TRIM4: variants seen among roughly 807,000 people sequenced by gnomAD.
TRIM4 encodes the protein E3 ubiquitin-protein ligase TRIM4.
Under a neutral mutation model 33.7 loss-of-function variants are expected in TRIM4, and 29 were observed. The ratio of observed to expected loss-of-function variants is 0.86; its 90% CI spans 0.64 to 1.17. TRIM4 has a LOEUF of 1.17. Ranked by LOEUF, TRIM4 falls within the 50% of genes most tolerant of loss-of-function variation. The probability of loss-of-function intolerance (pLI) is 0.00; values close to 1 mark genes in which losing one functional copy is unlikely to be tolerated. For synonymous variants in TRIM4, 224 were observed against 233.0 expected, an observed-to-expected ratio of 0.96 and a Z score of 0.35; for missense variants, 554 against 593.7, an observed-to-expected ratio of 0.93 and a Z score of 0.69.
intron 3 of TRIM4, among the ~76,000 whole-genome samples, chr7:99,905,017 C>T (rs910266668): frequency 1.3e-5 from 2 of 149,228 alleles, no homozygotes; most frequent in African/African-American, 5.0e-5. Context: ...GGTTACAAAG[C>T]GAGACGCTGT....
intron 3 of TRIM4, among the ~76,000 whole-genome samples, chr7:99,907,973 A>G (rs1462501072): frequency 1.3e-5 from 2 of 152,366 alleles, no homozygotes; most frequent in Non-Finnish European, 2.9e-5. Context: ...AAAAGAAGCT[A>G]TAAGGACACT....
At chr7:99,905,677 T>C (rs1819285690) in intron 3 of TRIM4, among the ~76,000 whole-genome samples, 1 of 152,026 alleles carries the variant, frequency 6.6e-6, no homozygotes, top group African/African-American at 2.4e-5. Flanking sequence ...ACCAAAAATG[T>C]CTCTATATAA....
chr7:99,908,445 G>T, intron 3 of TRIM4, 137 bp downstream of exon 3: 1 of 710,856 alleles, frequency 1.4e-6, no homozygotes, highest in Non-Finnish European at 2.3e-6. Context: ...TGGCTTTTTA[G>T]TTATGTGACA....
intron 1 of TRIM4, among the ~76,000 whole-genome samples, chr7:99,917,135 G>A (rs573697722): frequency 2.8e-4 from 43 of 152,274 alleles, no homozygotes; most frequent in Middle Eastern, 3.4e-3. Context: ...TGATCACTCC[G>A]ACCTCAGACC....
rs1398831400 is a variant in TRIM4 at position 99,892,600 on chromosome 7, TC to T, written c.987del (p.Lys330ArgfsTer5). 1.2e-6 allele frequency: 2 copies of T among 1,614,092 alleles called. No homozygotes were observed. Among genetic ancestry groups the T allele is most frequent in the Non-Finnish European group, 1.7e-6 (2 of 1,180,038 alleles). ...WNYFAGWRNP[Q>X]KTAFVERFQH... is the part of the protein sequence containing the mutation. ...TGAAATCTCTCTACAAAAGCAGTCT[TC>T]TGAGGATTCCTCCATCCAGCAAAGT... On this transcript the variant is annotated frameshift_variant, in exon 6 of 6. Transcript: ENST00000349062. LOFTEE classifies it low-confidence loss of function (END_TRUNC).
intron 5 of TRIM4, chr7:99,901,285 G>A (rs1181878618): frequency 1.3e-5 from 2 of 152,006 alleles, no homozygotes; most frequent in Admixed American, 1.3e-4. Context: ...TTAAAACTTT[G>A]ATCTGGTCTC....
intron 1 of TRIM4, among the ~76,000 whole-genome samples, chr7:99,915,371 T>C (rs763861941): frequency 1.8e-4 from 27 of 152,280 alleles, no homozygotes; most frequent in Non-Finnish European, 3.1e-4. Flanking sequence ...GAGTCAGGCA[T>C]GAAGGAAAAA....
intron 5 of TRIM4, among the ~76,000 whole-genome samples, chr7:99,900,012 CT>C (rs1420417993): frequency 1.3e-5 from 2 of 152,166 alleles, no homozygotes; most frequent in Non-Finnish European, 2.9e-5. Context: ...CCTCAAACTC[CT>C]GGCCTCAAGC....
At chr7:99,903,529 T>A (rs758909062) in intron 4 of TRIM4, 47 bp downstream of exon 4, 1 of 1,612,894 alleles carries the variant, frequency 6.2e-7, no homozygotes, top group East Asian at 2.2e-5. Context: ...TCAGCCTGTA[T>A]CTTTACCATG....
intron 5 of TRIM4, among the ~76,000 whole-genome samples, chr7:99,899,164 G>C (rs1819096323): frequency 6.6e-6 from 1 of 152,162 alleles, no homozygotes; most frequent in South Asian, 2.1e-4. Flanking sequence ...TCAGAGTTCT[G>C]AGCTAAAGAA....
chr7:99,904,022 A>T (rs1819239053), intron 3 of TRIM4, among the ~76,000 whole-genome samples: 1 of 152,180 alleles, frequency 6.6e-6, no homozygotes, highest in Non-Finnish European at 1.5e-5. Context: ...GTCCAAAGAG[A>T]TTTTCTACAG....
At chr7:99,914,798 CTTTT>C (rs1819517104) in intron 1 of TRIM4, among the ~76,000 whole-genome samples, 2 of 151,708 alleles carry the variant, frequency 1.3e-5, no homozygotes, top group Admixed American at 1.3e-4. Flanking sequence ...AGCACTTTTT[CTTTT>C]TTTCTTTTTT....
chr7:99,901,556 G>A (rs1819168214), intron 5 of TRIM4: 1 of 152,228 alleles, frequency 6.6e-6, no homozygotes, highest in African/African-American at 2.4e-5. Flanking sequence ...GTTGGAAAGA[G>A]TTTGACCCCT....
At chr7:99,903,115 C>CT (rs1334392953) in intron 5 of TRIM4, 103 bp downstream of exon 5, 3 of 840,124 alleles carry the variant, frequency 3.6e-6, no homozygotes, top group Non-Finnish European at 5.7e-6. Flanking sequence ...TCCTGACACT[C>CT]TATTAGCTGC....
chr7:99,891,344 G>C lies in TRIM4; in HGVS notation c.*819C>G, dbSNP rs1818889116. ...TTTCCATCTCACTGAGTTGTGATGAGAGTCATATGCAACAGCATATGAAGA... is the reference window on the plus strand; with the variant it reads ...TTTCCATCTCACTGAGTTGTGATGACAGTCATATGCAACAGCATATGAAGA... On this transcript the variant is annotated 3_prime_UTR_variant, in exon 6 of 6. Coordinates refer to ENST00000349062, the MANE Select transcript of TRIM4 (RefSeq NM_033091.3). The C allele has an allele frequency of 6.6e-6, 1 of 152,230 alleles. No individual in the cohort carries two copies. The allele number at this position is 152,230 out of a possible 1,614,324, so 9.4% of individuals were successfully genotyped here.
intron 1 of TRIM4, among the ~76,000 whole-genome samples, chr7:99,915,090 G>A (rs1462289140): frequency 2.0e-5 from 3 of 152,196 alleles, no homozygotes; most frequent in Non-Finnish European, 2.9e-5. Context: ...GATTACAGGC[G>A]TGAGCCACTG....
Position 99,892,270 on chromosome 7 carries a change from C to T in TRIM4, c.1318G>A (p.Val440Met). 1 of 1,614,202 alleles carries T rather than the reference C, an allele frequency of 6.2e-7. No homozygotes were observed. The highest frequency in any genetic ancestry group is 8.5e-7 in the Non-Finnish European group (1 of 1,180,038). ...GAACAAGAAAAGGTGTGCAGGTGCA[C>T]TCCGTCCACAGCGCTGTAGAAGGAG... ...NVSFYSAVDG[V>M]HLHTFSCSSV... The change falls in exon 6 of 6, where the codon GTG (valine) becomes ATG (methionine). Residue 440 changes from valine (V) to methionine (M), a missense_variant. Coordinates refer to ENST00000349062, the MANE Select transcript of TRIM4 (RefSeq NM_033091.3).
Position 99,909,565 on chromosome 7 carries a change from C to T in TRIM4, c.489G>A (p.Lys163=). Residue 163 remains lysine, a splice_region_variant and synonymous_variant, in exon 2 of 6, where the codon AAG becomes AAA. Coordinates refer to ENST00000349062, the MANE Select transcript of TRIM4 (RefSeq NM_033091.3). ...DVEVKNATQW[K]DKIKSQRMRI... ...AATATCCAACCACTTCTGCCATTACCTTCCACTGTGTGGCGTTCTTCACTT... is the reference window on the plus strand; with the variant it reads ...AATATCCAACCACTTCTGCCATTACTTTCCACTGTGTGGCGTTCTTCACTT... The T allele has an allele frequency of 6.2e-7, 1 of 1,613,694 alleles. No individual in the cohort carries two copies.
intron 4 of TRIM4, 28 bp downstream of exon 4, chr7:99,903,548 G>C: frequency 2.5e-6 from 4 of 1,613,960 alleles, no homozygotes; most frequent in South Asian, 1.1e-5. Flanking sequence ...TGCCACCCAG[G>C]TCCCCATAAG....
Sources: allele counts gnomAD v4.1 joint callset (sites outside exome capture counted in the v4.1 genomes callset), GRCh38; gene constraint gnomAD v4.1.1; transcripts MANE v1.5; gene names NCBI Gene and HGNC (gene_info 2026-07-23, HGNC 2026-07-21).